Variants in BRIP1 observed in about 807,000 individuals in gnomAD.
BRIP1 encodes Fanconi anemia group J protein.
Under a neutral mutation model 119.7 loss-of-function variants are expected in BRIP1, and 88 were observed. The ratio of observed to expected loss-of-function variants is 0.74; its 90% CI spans 0.62 to 0.88. BRIP1 has a LOEUF of 0.88. Among genes scored for constraint, BRIP1 ranks in the 40% least tolerant of loss-of-function variants. The pLI, the probability that BRIP1 is intolerant of heterozygous loss-of-function variation, is 0.00. For missense variants in BRIP1, 1,259 were observed against 1,455.4 expected, an observed-to-expected ratio of 0.87 and a Z score of 2.20; for synonymous variants, 443 against 496.5, an observed-to-expected ratio of 0.89 and a Z score of 1.43.
In BRIP1 at chr17:61,695,285, A is replaced by C. The variant is rs1367253505; in HGVS notation, c.2493-1773T>G. On this transcript the variant is annotated intron_variant, in intron 17 of 19. Transcript: ENST00000259008. This position sits in a 1 kb window ranked among gnomAD's most constrained non-coding sequence, Gnocchi z 4.3. The stretch of plus-strand genomic sequence containing the variant: ...AGTTGTCTTGGCACTCTTGTCAAAA[A>C]CCAGTTCACTGTAGATGTATGAATT... Among the ~76,000 whole-genome samples the C allele has an allele frequency of 6.6e-6, 1 of 152,120 alleles. No homozygotes were observed. Among genetic ancestry groups the C allele is most frequent in the East Asian group, 1.9e-4 (1 of 5,198 alleles).
chr17:61,805,032 T>A lies in BRIP1; in HGVS notation c.918+3435A>T, dbSNP rs942036636. Among the ~76,000 whole-genome samples the A allele has an allele frequency of 2.6e-5, 4 of 151,320 alleles. No homozygotes were observed. Among genetic ancestry groups the A allele is most frequent in the African/African-American group, 9.7e-5 (4 of 41,188 alleles). ...TAAATTGTATTTGTATACGTCTGTA[T>A]AATAAATTAAATTGTATATATATAC... is the stretch of plus-strand genomic sequence containing the variant. On this transcript the variant is annotated intron_variant, in intron 7 of 19. Transcript: ENST00000259008. This position sits in a 1 kb window ranked among gnomAD's most constrained non-coding sequence, Gnocchi z 5.6.
chr17:61,817,255 T>G (rs2078250103), intron 6 of BRIP1, among the ~76,000 whole-genome samples: 1 of 152,180 alleles, frequency 6.6e-6, no homozygotes, highest in African/African-American at 2.4e-5. Context: ...TATGTATTAT[T>G]TAGTCGGTGA....
chr17:61,741,494 T>C (rs2076986040), intron 16 of BRIP1, among the ~76,000 whole-genome samples: 2 of 152,260 alleles, frequency 1.3e-5, no homozygotes, highest in Admixed American at 6.5e-5. Context: ...ATAGCAGTTA[T>C]AGCCTCGTGA....
rs754507753 is a variant in BRIP1, at chr17:61,681,360, T to C, written c.*1936A>G. 1 of 211,144 alleles carries C rather than the reference T, an allele frequency of 4.7e-6. No homozygotes were observed. The highest frequency in any genetic ancestry group is 9.6e-6 in the Non-Finnish European group (1 of 104,180). The allele number at this position is 211,144 out of a possible 1,614,324, so 13.1% of individuals were successfully genotyped here. A position where few individuals can be genotyped will look rare whatever the true frequency, so the allele number is the denominator to read the frequency against. ...CAGAATATCAACAGACATTCCTTTA[T>C]AGATTCTCAAAGCACAAAGAAATTT... On this transcript the variant is annotated 3_prime_UTR_variant, in exon 20 of 20. Transcript: ENST00000259008. The surrounding 1 kb of genome is among the most constrained non-coding windows in gnomAD (Gnocchi z 5.1).
rs1567817029 is a variant in BRIP1 at position 61,784,375 on chromosome 17, T to C, written c.1523A>G (p.Tyr508Cys). 1.2e-6 allele frequency: 2 copies of C among 1,613,428 alleles called. No individual in the cohort carries two copies. The highest frequency in any genetic ancestry group is 1.7e-6 in the Non-Finnish European group (2 of 1,179,514). ...LQKEEKISPI[Y>C]GKEEAREVPV... ...TACTTCTCTTGCCTCCTCTTTACCATAAATTGGTGAGATTTTTTCCTCTTT... is the reference window on the plus strand; with the variant it reads ...TACTTCTCTTGCCTCCTCTTTACCACAAATTGGTGAGATTTTTTCCTCTTT... Residue 508 changes from tyrosine to cysteine, a missense_variant, in exon 11 of 20, where the codon TAT (tyrosine) becomes TGT (cysteine). By Grantham distance (194) the Tyr-to-Cys change is radical. This residue lies in a region of BRIP1 where 753 missense variants were observed against 891.8 expected (regional missense o/e 0.84). Coordinates refer to ENST00000259008, the MANE Select transcript of BRIP1 (RefSeq NM_032043.3).
intron 14 of BRIP1, among the ~76,000 whole-genome samples, chr17:61,771,680 C>T (rs375634357): frequency 2.0e-5 from 3 of 152,238 alleles, no homozygotes; most frequent in South Asian, 4.1e-4. Flanking sequence ...TAAATTTAGG[C>T]TGGGCGTGGT....
rs1397214654 is a variant in BRIP1, at chr17:61,703,675, A to G, written c.2493-10163T>C. 6.6e-6 allele frequency among the ~76,000 whole-genome samples: 1 copy of G among 152,094 alleles called. No individual in the cohort carries two copies. Among genetic ancestry groups the G allele is most frequent in the Non-Finnish European group, 1.5e-5 (1 of 68,030 alleles). Reference sequence around the variant, plus strand: ...ATTCGTCGATTTTGTTTTTGTTGCAATTGCTTTTGGTGTCTTCATGATGAA... The same window carrying G: ...ATTCGTCGATTTTGTTTTTGTTGCAGTTGCTTTTGGTGTCTTCATGATGAA... On this transcript the variant is annotated intron_variant, in intron 17 of 19. Transcript: ENST00000259008. This position sits in a 1 kb window ranked among gnomAD's most constrained non-coding sequence, Gnocchi z 5.0.
intron 17 of BRIP1, 25 bp downstream of exon 17, chr17:61,715,923 ATAT>A: frequency 7.3e-7 from 1 of 1,377,698 alleles, no homozygotes; most frequent in Non-Finnish European, 1.0e-6. Flanking sequence ...GTCACAGATA[ATAT>A]TATATTAAAT....
chr17:61,716,087 A>C, intron 16 of BRIP1, 24 bp from the exon 17 acceptor site: 1 of 1,346,260 alleles, frequency 7.4e-7, no homozygotes, highest in Non-Finnish European at 1.0e-6. Flanking sequence ...AATATATTTA[A>C]AAAATTAGTA....
rs1395630012 is a variant in BRIP1 at position 61,754,304 on chromosome 17, C to A, written c.2098-9713G>T. On this transcript the variant is annotated intron_variant, in intron 14 of 19. Transcript: ENST00000259008. This position sits in a 1 kb window ranked among gnomAD's most constrained non-coding sequence, Gnocchi z 4.1. The stretch of plus-strand genomic sequence containing the variant: ...GGCTTCCTTTTGCTCAAACTAGGTA[C>A]TCTCCTGTCTCAAGATTCCCACTAT... Among the ~76,000 whole-genome samples the A allele has an allele frequency of 6.6e-6, 1 of 152,134 alleles. No individual in the cohort carries two copies. Among genetic ancestry groups the A allele is most frequent in the Non-Finnish European group, 1.5e-5 (1 of 68,018 alleles).
rs1362666865 is a variant in BRIP1 at position 61,796,627 on chromosome 17, T to C, written c.1340+2473A>G. 6.6e-6 allele frequency among the ~76,000 whole-genome samples: 1 copy of C among 152,112 alleles called. No homozygotes were observed. Among genetic ancestry groups the C allele is most frequent in the African/African-American group, 2.4e-5 (1 of 41,446 alleles). The stretch of plus-strand genomic sequence containing the variant: ...CCATTGATCTGTGTGTCTGTTTTTA[T>C]GCCAGTACTGTGCTGTTTTGGTGGG... On this transcript the variant is annotated intron_variant, in intron 9 of 19. Coordinates refer to ENST00000259008, the MANE Select transcript of BRIP1 (RefSeq NM_032043.3). The surrounding 1 kb of genome is among the most constrained non-coding windows in gnomAD (Gnocchi z 4.8).
chr17:61,712,274 C>T (rs6504065), intron 17 of BRIP1, among the ~76,000 whole-genome samples: 51,182 of 151,798 alleles, frequency 0.34, 8,827 homozygotes, highest in East Asian at 0.48. Context: ...AGTGCAGTGG[C>T]GCAATCTTAG....
chr17:61,854,702 C>CAAA (rs60657866), intron 4 of BRIP1, among the ~76,000 whole-genome samples: 7 of 82,278 alleles, frequency 8.5e-5, no homozygotes, highest in African/African-American at 8.3e-5. Context: ...GACTCCGTCT[C>CAAA]AAAAAAAAAA....
rs1767693780 is a variant in BRIP1, at chr17:61,824,153, A to C, written c.628-15396T>G. Among the ~76,000 whole-genome samples, 1 of 152,218 alleles carries C rather than the reference A, an allele frequency of 6.6e-6. No homozygotes were observed. The highest frequency in any genetic ancestry group is 2.4e-5 in the African/African-American group (1 of 41,462). ...TTAAAGCAGCCACAGATTACTCTAT[A>C]GAAACTATGTAAGACAAGCCAAGGG... On this transcript the variant is annotated intron_variant, in intron 6 of 19. Coordinates refer to ENST00000259008, the MANE Select transcript of BRIP1 (RefSeq NM_032043.3). This position sits in a 1 kb window ranked among gnomAD's most constrained non-coding sequence, Gnocchi z 4.3.
chr17:61,785,411 C>A (rs1322883108), intron 10 of BRIP1, among the ~76,000 whole-genome samples: 4 of 151,820 alleles, frequency 2.6e-5, no homozygotes, highest in African/African-American at 9.7e-5. Flanking sequence ...AATACTGAAG[C>A]AATAAAAGAT....
Position 61,704,479 on chromosome 17 carries a change from T to C in BRIP1, c.2493-10967A>G, listed in dbSNP as rs1365629095. Among the ~76,000 whole-genome samples, 1 of 152,188 alleles carries C rather than the reference T, an allele frequency of 6.6e-6. No homozygotes were observed. The highest frequency in any genetic ancestry group is 1.5e-5 in the Non-Finnish European group (1 of 68,006). On this transcript the variant is annotated intron_variant, in intron 17 of 19. Coordinates refer to ENST00000259008, the MANE Select transcript of BRIP1 (RefSeq NM_032043.3). The surrounding 1 kb of genome is among the most constrained non-coding windows in gnomAD (Gnocchi z 5.7). ...ATAGCTATGCGTGTTATCTGTTTCA[T>C]CTTGGCCTCATAAAATAAATTGAGA...
Position 61,844,914 on chromosome 17 carries a change from T to A in BRIP1, c.627+2187A>T, listed in dbSNP as rs533312793. Among the ~76,000 whole-genome samples the A allele has an allele frequency of 3.9e-5, 6 of 152,338 alleles. No individual in the cohort carries two copies. The East Asian group carries it at 1.2e-3, about 29-fold the overall frequency. ...GAATACCAATATACCTGCTTCATAA[T>A]CATTGTAAGAACTCAGTAACATTCA... is the stretch of plus-strand genomic sequence containing the variant. On this transcript the variant is annotated intron_variant, in intron 6 of 19. Coordinates refer to ENST00000259008, the MANE Select transcript of BRIP1 (RefSeq NM_032043.3). This position sits in a 1 kb window ranked among gnomAD's most constrained non-coding sequence, Gnocchi z 4.7.
rs530397682 is a variant in BRIP1, at chr17:61,795,236, C to T, written c.1341-1507G>A. 6.6e-4 allele frequency among the ~76,000 whole-genome samples: 101 copies of T among 152,202 alleles called. No individual in the cohort carries two copies. The highest frequency in any genetic ancestry group is 2.4e-3 in the African/African-American group (101 of 41,556). Reference sequence around the variant, plus strand: ...TCTCAAGCATTAATCCTTTGTGTTACAAATAATCCAATTATATTCTTTTAG... The same window carrying T: ...TCTCAAGCATTAATCCTTTGTGTTATAAATAATCCAATTATATTCTTTTAG... On this transcript the variant is annotated intron_variant, in intron 9 of 19. Coordinates refer to ENST00000259008, the MANE Select transcript of BRIP1 (RefSeq NM_032043.3). This position sits in a 1 kb window ranked among gnomAD's most constrained non-coding sequence, Gnocchi z 5.6.
In BRIP1 at chr17:61,774,949, A is replaced by G. The variant is rs570439661; in HGVS notation, c.2097+1452T>C. ...CCCTTTTTGTGACTATGACTGGAAA[A>G]TATAAAAAGGTTTTAGCAATGAAAT... On this transcript the variant is annotated intron_variant, in intron 14 of 19. Coordinates refer to ENST00000259008, the MANE Select transcript of BRIP1 (RefSeq NM_032043.3). This position sits in a 1 kb window ranked among gnomAD's most constrained non-coding sequence, Gnocchi z 5.8. 9.2e-5 allele frequency among the ~76,000 whole-genome samples: 14 copies of G among 152,310 alleles called. No homozygotes were observed. The East Asian group carries it at 2.7e-3, about 29-fold the overall frequency.
Sources: gnomAD v4.1 joint callset for allele counts (sites outside exome capture counted in the v4.1 genomes callset) on GRCh38, gnomAD v4.1.1 for gene constraint, gnomAD v4.1.1 regional missense constraint, Gnocchi (gnomAD v3.1) non-coding constraint, MANE v1.5 for transcripts, NCBI Gene and HGNC (gene_info 2026-07-23, HGNC 2026-07-21) for gene names.